Variants in BCO1 observed in about 807,000 individuals in gnomAD.
BCO1 encodes the protein beta,beta-carotene 15,15'-dioxygenase.
Under a neutral mutation model 56.3 loss-of-function variants are expected in BCO1, and 54 were observed. The observed-to-expected ratio is 0.96, with a 90% confidence interval of 0.77 to 1.20. The LOEUF (loss-of-function observed/expected upper bound fraction) is 1.20. Among genes scored for constraint, BCO1 ranks in the 50% most tolerant of loss-of-function variants. The pLI is 0.00. For synonymous variants in BCO1, 318 were observed against 266.1 expected, an observed-to-expected ratio of 1.20 and a Z score of -1.90; for missense variants, 801 against 690.9, an observed-to-expected ratio of 1.16 and a Z score of -1.79.
intron 7 of BCO1, among the ~76,000 whole-genome samples, chr16:81,278,017 G>A (rs1907657204): frequency 6.6e-6 from 1 of 152,068 alleles, no homozygotes; most frequent in African/African-American, 2.4e-5. Context: ...CCATGGAGGT[G>A]GAGGCATTGA....
At chr16:81,257,648 G>A (rs890420925) in intron 2 of BCO1, among the ~76,000 whole-genome samples, 2 of 151,924 alleles carry the variant, frequency 1.3e-5, no homozygotes, top group Non-Finnish European at 2.9e-5. Context: ...GGCCGAGGCA[G>A]GTGGGTCTCC....
intron 8 of BCO1, among the ~76,000 whole-genome samples, chr16:81,282,111 G>T (rs997963969): frequency 1.6e-4 from 24 of 152,252 alleles, no homozygotes; most frequent in African/African-American, 5.3e-4. Flanking sequence ...GGGCACGGTG[G>T]CTCACGCCTG....
At chr16:81,280,279 A>T (rs1907795173) in intron 7 of BCO1, among the ~76,000 whole-genome samples, 1 of 20,818 alleles carries the variant, frequency 4.8e-5, no homozygotes, top group African/African-American at 1.5e-4. Flanking sequence ...CAAAAAAAAA[A>T]AAAAAAAAAA....
intron 3 of BCO1, among the ~76,000 whole-genome samples, chr16:81,260,406 T>C (rs1906411871): frequency 6.6e-6 from 1 of 152,062 alleles, no homozygotes; most frequent in Non-Finnish European, 1.5e-5. Flanking sequence ...TGCTTGTACA[T>C]GCATAAAGAA....
intron 2 of BCO1, among the ~76,000 whole-genome samples, chr16:81,259,294 G>A (rs1259893716): frequency 6.6e-6 from 1 of 152,066 alleles, no homozygotes; most frequent in Non-Finnish European, 1.5e-5. Flanking sequence ...AGGAGTTCAA[G>A]ACTAGCCTGG....
At chr16:81,275,057 G>A (rs914809585) in intron 7 of BCO1, among the ~76,000 whole-genome samples, 7 of 152,198 alleles carry the variant, frequency 4.6e-5, no homozygotes, top group African/African-American at 7.2e-5. Context: ...CAATGGCTCC[G>A]CCTGCATAGT....
intron 8 of BCO1, among the ~76,000 whole-genome samples, chr16:81,282,696 C>A (rs1347075302): frequency 6.6e-6 from 1 of 151,662 alleles, no homozygotes; most frequent in Non-Finnish European, 1.5e-5. Context: ...CCTGAGAAGA[C>A]CACGCTTGTT....
intron 1 of BCO1, among the ~76,000 whole-genome samples, chr16:81,241,788 C>T (rs183366250): frequency 6.6e-6 from 1 of 152,324 alleles, no homozygotes; most frequent in African/African-American, 2.4e-5. Flanking sequence ...TGGTGACATC[C>T]ATGGGCAAAC....
chr16:81,270,692 C>CTCTGTG (rs146010684), intron 7 of BCO1, among the ~76,000 whole-genome samples: 2,913 of 143,774 alleles, frequency 0.02, 81 homozygotes, highest in African/African-American at 0.06. Context: ...CTCTCTGTGT[C>CTCTGTG]TGTGTGTGTG....
At chr16:81,290,264 A>G (rs1908388530) in intron 10 of BCO1, 84 bp from the exon 11 acceptor site, 2 of 1,136,512 alleles carry the variant, frequency 1.8e-6, no homozygotes, top group Admixed American at 1.8e-5. Flanking sequence ...ATGTTTAAAG[A>G]GGGCAGAGAG....
chr16:81,282,801 A>T (rs1354464460), intron 8 of BCO1, among the ~76,000 whole-genome samples: 2 of 151,658 alleles, frequency 1.3e-5, no homozygotes, highest in Non-Finnish European at 2.9e-5. Context: ...TACCCATCCA[A>T]TCCTCCCATC....
At chr16:81,262,082 T>C (rs1906519365) in intron 3 of BCO1, 54 bp from the exon 4 acceptor site, 1 of 1,599,884 alleles carries the variant, frequency 6.3e-7, no homozygotes, top group African/African-American at 1.3e-5. Flanking sequence ...AGGATAGACT[T>C]CTCTGGCTGG....
chr16:81,274,410 C>T (rs1907426916), intron 7 of BCO1, among the ~76,000 whole-genome samples: 1 of 151,868 alleles, frequency 6.6e-6, no homozygotes, highest in Non-Finnish European at 1.5e-5. Context: ...ACTACAGGCG[C>T]CCGCCACTAC....
At chr16:81,257,347 C>T (rs1227740197) in intron 2 of BCO1, among the ~76,000 whole-genome samples, 5 of 152,060 alleles carry the variant, frequency 3.3e-5, no homozygotes, top group African/African-American at 7.2e-5. Context: ...TCACTGCAGC[C>T]TCTGCCTCTT....
rs911739220 is a variant in BCO1, at chr16:81,274,350, G to A, written c.1101+3934G>A. The stretch of plus-strand genomic sequence containing the variant: ...GTGATCTCGGCTCACTGCAAGCTCC[G>A]CCTCCCGGGTTCACGCCATTCTGCT... On this transcript the variant is annotated intron_variant, in intron 7 of 10. Transcript: ENST00000258168. 7.9e-5 allele frequency among the ~76,000 whole-genome samples: 11 copies of A among 139,976 alleles called. No homozygotes were observed. In the East Asian group the frequency reaches 1.5e-3, roughly 20 times the overall value. The allele number at this position is 139,976 out of a possible 152,430, so 91.8% of individuals were successfully genotyped here.
At chr16:81,276,502 G>A (rs1907565876) in intron 7 of BCO1, among the ~76,000 whole-genome samples, 2 of 152,226 alleles carry the variant, frequency 1.3e-5, no homozygotes, top group Non-Finnish European at 2.9e-5. Flanking sequence ...CCTTGGTTGT[G>A]CTGGCTAGGG....
At chr16:81,248,085 CAAT>C (rs1905531126) in intron 2 of BCO1, among the ~76,000 whole-genome samples, 4 of 152,056 alleles carry the variant, frequency 2.6e-5, no homozygotes, top group Non-Finnish European at 5.9e-5. Context: ...AACACCTGCT[CAAT>C]AAGCATTTGT....
intron 1 of BCO1, 75 bp from the exon 2 acceptor site, chr16:81,245,400 C>T: frequency 1.2e-6 from 2 of 1,610,526 alleles, no homozygotes; most frequent in Non-Finnish European, 1.7e-6. Context: ...TCTCAAATTC[C>T]TTTCCATGAC....
intron 7 of BCO1, among the ~76,000 whole-genome samples, chr16:81,270,999 C>A (rs1907176549): frequency 6.6e-6 from 1 of 152,208 alleles, no homozygotes. Context: ...CCGCCTCGGC[C>A]TCCCAAAGTG....
Sources: gnomAD v4.1 joint callset for allele counts (sites outside exome capture counted in the v4.1 genomes callset) on GRCh38, gnomAD v4.1.1 for gene constraint, MANE v1.5 for transcripts, NCBI Gene and HGNC (gene_info 2026-07-23, HGNC 2026-07-21) for gene names.